ZSCAN25: variants seen among roughly 807,000 people sequenced by gnomAD.
The protein encoded by ZSCAN25 is zinc finger and SCAN domain-containing protein 25.
A neutral mutation model predicts 38.7 loss-of-function variants in ZSCAN25; 27 were observed. That is an observed-to-expected ratio of 0.70 (90% CI 0.51 to 0.96). The LOEUF (loss-of-function observed/expected upper bound fraction) is 0.96. Ranked by LOEUF, ZSCAN25 falls within the 40% of genes least tolerant of loss-of-function variation. ZSCAN25 has a pLI of 0.00. For synonymous variants in ZSCAN25, 273 were observed against 277.7 expected (o/e 0.98, Z 0.17); for missense variants, 637 against 705.9 (o/e 0.90, Z 1.11).
chr7:99,719,596 A>G, the ZSCAN25 span, among the ~76,000 whole-genome samples: 1 of 56,348 alleles, frequency 1.8e-5, no homozygotes, highest in Non-Finnish European at 8.8e-5. Context: ...AGCACAATCC[A>G]TAAAAAAATA....
chr7:99,737,530 A>G, the ZSCAN25 span, among the ~76,000 whole-genome samples: 2 of 152,220 alleles, frequency 1.3e-5, no homozygotes, highest in Non-Finnish European at 2.9e-5. Context: ...CACAGAACAC[A>G]TTCTGACAAG....
At chr7:99,700,952 C>G in the ZSCAN25 span, among the ~76,000 whole-genome samples, 1 of 152,180 alleles carries the variant, frequency 6.6e-6, no homozygotes, top group African/African-American at 2.4e-5. Context: ...CCACTTAATT[C>G]CTCAGAAGGT....
At chr7:99,649,851 ATAAT>A in the ZSCAN25 span, among the ~76,000 whole-genome samples, 1 of 152,162 alleles carries the variant, frequency 6.6e-6, no homozygotes, top group Non-Finnish European at 1.5e-5. Flanking sequence ...GAGACTACAC[ATAAT>A]CATGTCATGC....
the ZSCAN25 span, among the ~76,000 whole-genome samples, chr7:99,703,998 T>C: frequency 2.2e-4 from 33 of 152,180 alleles, 1 homozygote; most frequent in South Asian, 5.2e-3. Context: ...ACCCACCTAA[T>C]GGCTCTAGGG....
chr7:99,687,197 A>G, the ZSCAN25 span, among the ~76,000 whole-genome samples: 2 of 152,230 alleles, frequency 1.3e-5, no homozygotes, highest in Non-Finnish European at 2.9e-5. Context: ...AGTTGAGAGA[A>G]GAAGGCTTCA....
At chr7:99,711,174 A>G in the ZSCAN25 span, among the ~76,000 whole-genome samples, 1 of 152,334 alleles carries the variant, frequency 6.6e-6, no homozygotes, top group Middle Eastern at 3.4e-3. Context: ...ATTTCCAGAG[A>G]GAACATTTCT....
At chr7:99,729,707 A>AT in the ZSCAN25 span, among the ~76,000 whole-genome samples, 1 of 152,130 alleles carries the variant, frequency 6.6e-6, no homozygotes, top group African/African-American at 2.4e-5. Context: ...AATGAGTCTT[A>AT]TGATCTCCCC....
chr7:99,659,312 C>T, the ZSCAN25 span: 1 of 153,014 alleles, frequency 6.5e-6, no homozygotes, highest in Non-Finnish European at 1.5e-5. Context: ...TCCTCAGCTG[C>T]AGGTCTGTTG....
At chr7:99,649,550 G>T in the ZSCAN25 span, among the ~76,000 whole-genome samples, 1 of 152,156 alleles carries the variant, frequency 6.6e-6, no homozygotes, top group Non-Finnish European at 1.5e-5. Flanking sequence ...TTGGCTTCAC[G>T]TGAGAACTAA....
At chr7:99,651,585 G>A in the ZSCAN25 span, among the ~76,000 whole-genome samples, 1 of 152,162 alleles carries the variant, frequency 6.6e-6, no homozygotes, top group Non-Finnish European at 1.5e-5. Context: ...GCTAGCACTA[G>A]GGACACCATG....
At chr7:99,714,045 A>G in the ZSCAN25 span, among the ~76,000 whole-genome samples, 2,671 of 152,264 alleles carry the variant, frequency 0.018, 70 homozygotes, top group African/African-American at 0.059. Flanking sequence ...TGCAGCCTCA[A>G]TTCCCAGAGA....
the ZSCAN25 span, among the ~76,000 whole-genome samples, chr7:99,719,680 C>A: frequency 1.3e-5 from 2 of 152,090 alleles, no homozygotes; most frequent in Non-Finnish European, 2.9e-5. Flanking sequence ...ACACTCGTGA[C>A]TGTAGGATAG....
chr7:99,658,657 G>T, the ZSCAN25 span, among the ~76,000 whole-genome samples: 1 of 152,164 alleles, frequency 6.6e-6, no homozygotes, highest in Non-Finnish European at 1.5e-5. Context: ...AGTTCTCCTG[G>T]ATAATATCCT....
At position 99,630,685 on chromosome 7, in the gene ZSCAN25, G is replaced by A; in HGVS notation, c.*665G>A. ...GGGATCTGCTCCCAGGCAACTGTGT[G>A]AATTTTACATTATTTGGAGCCTCAT... On this transcript the variant is annotated 3_prime_UTR_variant, in exon 8 of 8. Coordinates refer to ENST00000394152, the MANE Select transcript of ZSCAN25 (RefSeq NM_145115.3). 3.0e-6 allele frequency: 3 copies of A among 985,508 alleles called. No individual in the cohort carries two copies. The highest frequency in any genetic ancestry group is 3.6e-6 in the Non-Finnish European group (3 of 830,022). 61.0% of individuals were successfully genotyped at this position (985,508 alleles called of 1,614,324 possible). A position where few individuals can be genotyped will look rare whatever the true frequency, so the allele number is the denominator to read the frequency against.
At chr7:99,638,687 T>C in the ZSCAN25 span, 1 of 1,514,266 alleles carries the variant, frequency 6.6e-7, no homozygotes, top group Admixed American at 1.7e-5. Context: ...AGGATTGTTG[T>C]CTTGCCGGCC....
the ZSCAN25 span, among the ~76,000 whole-genome samples, chr7:99,712,390 G>C: frequency 6.6e-6 from 1 of 152,188 alleles, no homozygotes; most frequent in Non-Finnish European, 1.5e-5. Context: ...GAGCTCTGCT[G>C]TCCAATGTGG....
At chr7:99,722,411 T>C in the ZSCAN25 span, 2 of 1,589,472 alleles carry the variant, frequency 1.3e-6, no homozygotes, top group African/African-American at 2.7e-5. Context: ...CTGCCTCTAA[T>C]TGGGGTTGAA....
intron 1 of ZSCAN25, 57 bp downstream of exon 1, chr7:99,617,073 G>A (rs1806519208): frequency 6.6e-6 from 1 of 152,230 alleles, no homozygotes; most frequent in Admixed American, 6.5e-5. Flanking sequence ...ACGGGCGCGG[G>A]GACGGGTTTT....
chr7:99,660,699 A>G, the ZSCAN25 span: 8 of 1,607,246 alleles, frequency 5.0e-6, no homozygotes, highest in Admixed American at 1.7e-5. Flanking sequence ...AATCAGGTCA[A>G]CGTACAACAT....
Sources: allele counts gnomAD v4.1 joint callset (sites outside exome capture counted in the v4.1 genomes callset), GRCh38; gene constraint gnomAD v4.1.1; transcripts MANE v1.5; gene names NCBI Gene and HGNC (gene_info 2026-07-23, HGNC 2026-07-21).